The following FHOD3 variants were observed in gnomAD, a reference collection of about 807,000 sequenced individuals.
FHOD3 encodes FH1/FH2 domain-containing protein 3.
Under a neutral mutation model 173.0 loss-of-function variants are expected in FHOD3, and 90 were observed. The ratio of observed to expected loss-of-function variants is 0.52; its 90% CI spans 0.44 to 0.62. The LOEUF (loss-of-function observed/expected upper bound fraction) is 0.62, where lower values mean the gene tolerates loss of function less well. Among genes scored for constraint, FHOD3 ranks in the 20% least tolerant of loss-of-function variants. FHOD3 has a pLI of 0.00. For synonymous variants in FHOD3, 828 were observed against 823.0 expected, an observed-to-expected ratio of 1.01 and a Z score of -0.10; for missense variants, 1,945 against 2,034.7, an observed-to-expected ratio of 0.96 and a Z score of 0.85.
intron 3 of FHOD3, among the ~76,000 whole-genome samples, chr18:36,408,336 G>A (rs1457162620): frequency 6.6e-6 from 1 of 152,222 alleles, no homozygotes; most frequent in Admixed American, 6.5e-5. Flanking sequence ...AGTTAGTGGG[G>A]TGTGTAGGGC....
chr18:36,412,246 A>G (rs2049391039), intron 3 of FHOD3, among the ~76,000 whole-genome samples: 1 of 152,188 alleles, frequency 6.6e-6, no homozygotes, highest in African/African-American at 2.4e-5. Context: ...GGGGATCCGT[A>G]TGAATGCAAG....
chr18:36,572,159 T>G (rs1464701176), intron 5 of FHOD3, among the ~76,000 whole-genome samples: 1 of 152,172 alleles, frequency 6.6e-6, no homozygotes, highest in African/African-American at 2.4e-5. Flanking sequence ...AAATATACCT[T>G]GAGTGTAATA....
intron 10 of FHOD3, among the ~76,000 whole-genome samples, chr18:36,644,189 T>A (rs2035526137): frequency 6.6e-6 from 1 of 152,118 alleles, no homozygotes; most frequent in African/African-American, 2.4e-5. Context: ...TAACTCCTTA[T>A]CAATCACAAG....
intron 5 of FHOD3, among the ~76,000 whole-genome samples, chr18:36,545,682 A>C (rs764183894): frequency 1.9e-4 from 29 of 152,216 alleles, no homozygotes; most frequent in Non-Finnish European, 3.4e-4. Context: ...CTGTGAAAAC[A>C]CTGTTGCGAG....
intron 6 of FHOD3, among the ~76,000 whole-genome samples, chr18:36,583,867 C>T (rs1038139117): frequency 1.3e-5 from 2 of 151,964 alleles, no homozygotes; most frequent in East Asian, 3.9e-4. Flanking sequence ...ACTCTGTCAC[C>T]CAGGCTGGAG....
rs554744176 is a variant in FHOD3 at position 36,370,142 on chromosome 18, C to T, written c.273-2538C>T. 2.6e-5 allele frequency among the ~76,000 whole-genome samples: 4 copies of T among 152,226 alleles called. No individual in the cohort carries two copies. In the South Asian group the frequency reaches 8.3e-4, roughly 32 times the overall value. ...ACTTGCCTCTTCCTTAGCTGGTCCCCTCCTTTACTCTGAACCTGGGATCTG... is the reference window on the plus strand; with the variant it reads ...ACTTGCCTCTTCCTTAGCTGGTCCCTTCCTTTACTCTGAACCTGGGATCTG... On this transcript the variant is annotated intron_variant, in intron 2 of 28. Coordinates refer to ENST00000590592, the MANE Select transcript of FHOD3 (RefSeq NM_001281740.3).
At chr18:36,531,492 T>C (rs2056778374) in intron 5 of FHOD3, among the ~76,000 whole-genome samples, 3 of 152,196 alleles carry the variant, frequency 2.0e-5, no homozygotes, top group Admixed American at 2.0e-4. Flanking sequence ...TGCCCCTCCA[T>C]GTTCTGCCTG....
intron 9 of FHOD3, among the ~76,000 whole-genome samples, chr18:36,617,582 C>CGTGTGTGTGT (rs1568500290): frequency 1.6e-5 from 1 of 61,330 alleles, no homozygotes; most frequent in African/African-American, 5.6e-5. Flanking sequence ...CTTGTACTTC[C>CGTGTGTGTGT]CTGTGTGTGT....
At chr18:36,687,857 TG>T (rs1405721510) in intron 16 of FHOD3, among the ~76,000 whole-genome samples, 1 of 152,242 alleles carries the variant, frequency 6.6e-6, no homozygotes, top group African/African-American at 2.4e-5. Flanking sequence ...TTGTGGTTTG[TG>T]ATGCTAACTA....
chr18:36,741,236 T>TA (rs1314915448), intron 21 of FHOD3, among the ~76,000 whole-genome samples: 5 of 152,120 alleles, frequency 3.3e-5, no homozygotes, highest in African/African-American at 1.2e-4. Context: ...TAGCAGGTCT[T>TA]TTTATGTTGC....
intron 1 of FHOD3, among the ~76,000 whole-genome samples, chr18:36,332,654 G>GAGTT (rs1329105122): frequency 1.3e-5 from 2 of 152,198 alleles, no homozygotes; most frequent in Non-Finnish European, 2.9e-5. Flanking sequence ...ACAGCTTGAG[G>GAGTT]AGTTCCTGGA....
chr18:36,553,513 T>C (rs1193383405), intron 5 of FHOD3, among the ~76,000 whole-genome samples: 1 of 152,234 alleles, frequency 6.6e-6, no homozygotes. Flanking sequence ...TATTGGTCTA[T>C]TCAGGGATTC....
chr18:36,705,955 G>GTA (rs1406248897), intron 17 of FHOD3, among the ~76,000 whole-genome samples: 2 of 66,686 alleles, frequency 3.0e-5, no homozygotes, highest in African/African-American at 1.1e-4. Flanking sequence ...AACTGTGTGT[G>GTA]TGTGTGTGTG....
At chr18:36,306,001 G>A (rs765378901) in intron 1 of FHOD3, among the ~76,000 whole-genome samples, 8 of 152,192 alleles carry the variant, frequency 5.3e-5, no homozygotes, top group Non-Finnish European at 1.0e-4. Context: ...CCCCTCCTCT[G>A]TCTGTAGTGT....
At chr18:36,494,850 TTTTG>T (rs978918413) in intron 3 of FHOD3, among the ~76,000 whole-genome samples, 1 of 152,204 alleles carries the variant, frequency 6.6e-6, no homozygotes, top group Non-Finnish European at 1.5e-5. Context: ...TATACTTTTT[TTTTG>T]TTTGTTTGAG....
At chr18:36,549,365 A>T (rs1215818570) in intron 5 of FHOD3, among the ~76,000 whole-genome samples, 2 of 152,034 alleles carry the variant, frequency 1.3e-5, no homozygotes, top group African/African-American at 2.4e-5. Flanking sequence ...CTTTTATCAG[A>T]TATGTGATTG....
intron 19 of FHOD3, among the ~76,000 whole-genome samples, chr18:36,729,891 A>C (rs2041266496): frequency 6.6e-6 from 1 of 152,222 alleles, no homozygotes; most frequent in Admixed American, 6.5e-5. Context: ...TGAGGACCAC[A>C]CAGGCCACCT....
rs751933477 is a variant in FHOD3 at position 36,779,955 on chromosome 18, C to A, written c.*425C>A. Reference sequence around the variant, plus strand: ...CCAAACTTGTACACAAAAGAAAGCACAGATTGTTTACCTGTTGTGGATTTT... The same window carrying A: ...CCAAACTTGTACACAAAAGAAAGCAAAGATTGTTTACCTGTTGTGGATTTT... On this transcript the variant is annotated 3_prime_UTR_variant, in exon 29 of 29. Transcript: ENST00000590592. 1.1e-4 allele frequency: 51 copies of A among 448,562 alleles called. No homozygotes were observed. Among genetic ancestry groups the A allele is most frequent in the Non-Finnish European group, 1.7e-4 (47 of 269,014 alleles). 27.8% of individuals were successfully genotyped at this position (448,562 alleles called of 1,614,324 possible). A position where few individuals can be genotyped will look rare whatever the true frequency, so the allele number is the denominator to read the frequency against.
chr18:36,717,748 C>T (rs1175312136), intron 18 of FHOD3, 84 bp from the exon 19 acceptor site: 1 of 1,493,176 alleles, frequency 6.7e-7, no homozygotes, highest in Non-Finnish European at 8.9e-7. Flanking sequence ...TCCCATGTGT[C>T]AGGCTCACTT....
Sources: gnomAD v4.1 joint callset for allele counts (sites outside exome capture counted in the v4.1 genomes callset) on GRCh38, gnomAD v4.1.1 for gene constraint, MANE v1.5 for transcripts, NCBI Gene and HGNC (gene_info 2026-07-23, HGNC 2026-07-21) for gene names.